Variants in GRIA4 observed in about 807,000 individuals in gnomAD.
The protein encoded by GRIA4 is glutamate ionotropic receptor AMPA type subunit 4.
GRIA4 carries 34 observed loss-of-function variants against 104.0 expected under a neutral mutation model. The ratio of observed to expected loss-of-function variants is 0.33; its 90% CI spans 0.25 to 0.44. The LOEUF (loss-of-function observed/expected upper bound fraction) is 0.44, where lower values mean the gene tolerates loss of function less well. Among genes scored for constraint, GRIA4 ranks in the 20% least tolerant of loss-of-function variants. The pLI is 1.00. For synonymous variants in GRIA4, 386 were observed against 381.9 expected, an observed-to-expected ratio of 1.01 and a Z score of -0.13; for missense variants, 750 against 1,096.5, an observed-to-expected ratio of 0.68 and a Z score of 4.46.
At chr11:105,837,029 C>T (rs1437915627) in intron 4 of GRIA4, among the ~76,000 whole-genome samples, 2 of 152,052 alleles carry the variant, frequency 1.3e-5, no homozygotes, top group African/African-American at 2.4e-5. Flanking sequence ...CCTCAGGAAA[C>T]TTACAATCAT....
intron 3 of GRIA4, among the ~76,000 whole-genome samples, chr11:105,657,273 G>A (rs1044585612): frequency 6.6e-6 from 1 of 151,842 alleles, no homozygotes; most frequent in Admixed American, 6.6e-5. Context: ...TTTCAAAAGT[G>A]TACACTGCTT....
chr11:105,850,923 G>C (rs1357286772), intron 4 of GRIA4, among the ~76,000 whole-genome samples: 1 of 152,264 alleles, frequency 6.6e-6, no homozygotes, highest in East Asian at 1.9e-4. Flanking sequence ...AATTAAGTTT[G>C]CATTGTATTA....
At chr11:105,861,876 A>G (rs1333752966) in intron 4 of GRIA4, 148 bp from the exon 5 acceptor site, 1 of 590,872 alleles carries the variant, frequency 1.7e-6, no homozygotes, top group Non-Finnish European at 3.0e-6. Flanking sequence ...GTAAGAATAA[A>G]TTATTCAGAA....
chr11:105,896,626 T>A (rs1304751024), intron 6 of GRIA4, among the ~76,000 whole-genome samples: 1 of 152,172 alleles, frequency 6.6e-6, no homozygotes, highest in Non-Finnish European at 1.5e-5. Context: ...GTCTTCTGCA[T>A]AGGGCCAGCC....
At chr11:105,646,075 G>T (rs1951518910) in intron 3 of GRIA4, among the ~76,000 whole-genome samples, 1 of 152,178 alleles carries the variant, frequency 6.6e-6, no homozygotes, top group Non-Finnish European at 1.5e-5. Flanking sequence ...TTATGTACAG[G>T]AATTGAGGGA....
chr11:105,731,157 C>T (rs1174130008), intron 3 of GRIA4, among the ~76,000 whole-genome samples: 3 of 152,012 alleles, frequency 2.0e-5, no homozygotes, highest in Admixed American at 6.6e-5. Flanking sequence ...CCAGAATCTA[C>T]AAGGAACTTA....
chr11:105,661,488 T>G (rs964018764), intron 3 of GRIA4, among the ~76,000 whole-genome samples: 2 of 151,588 alleles, frequency 1.3e-5, no homozygotes, highest in Non-Finnish European at 3.0e-5. Context: ...TTGAGATAAG[T>G]AGAAAAATGT....
intron 11 of GRIA4, among the ~76,000 whole-genome samples, chr11:105,923,689 G>A (rs1947629838): frequency 6.6e-6 from 1 of 152,218 alleles, no homozygotes; most frequent in South Asian, 2.1e-4. Flanking sequence ...TGAAAATGGA[G>A]GCTAGTGCCT....
At chr11:105,718,788 A>G (rs888937089) in intron 3 of GRIA4, among the ~76,000 whole-genome samples, 2 of 152,164 alleles carry the variant, frequency 1.3e-5, no homozygotes, top group Admixed American at 6.6e-5. Context: ...TTTCCATTCC[A>G]CTGCTCCCTT....
intron 3 of GRIA4, among the ~76,000 whole-genome samples, chr11:105,650,948 T>C (rs1951669317): frequency 6.6e-6 from 1 of 152,182 alleles, no homozygotes; most frequent in South Asian, 2.1e-4. Flanking sequence ...GACCTCAATA[T>C]GTTAAAGTAG....
chr11:105,838,589 T>C (rs1351082400), intron 4 of GRIA4, among the ~76,000 whole-genome samples: 1 of 152,236 alleles, frequency 6.6e-6, no homozygotes, highest in African/African-American at 2.4e-5. Flanking sequence ...ATTTATTTTT[T>C]AAGCAACAAA....
intron 3 of GRIA4, among the ~76,000 whole-genome samples, chr11:105,633,430 T>A (rs546644172): frequency 1.3e-5 from 2 of 152,358 alleles, no homozygotes; most frequent in East Asian, 3.9e-4. Context: ...ATCCCCTGAA[T>A]ATAGTTCATA....
intron 3 of GRIA4, among the ~76,000 whole-genome samples, chr11:105,667,409 T>G (rs753643810): frequency 6.6e-6 from 1 of 151,992 alleles, no homozygotes; most frequent in African/African-American, 2.4e-5. Flanking sequence ...AAAATGGTTT[T>G]GAAAAATAGC....
chr11:105,684,020 A>T (rs1310772376), intron 3 of GRIA4, among the ~76,000 whole-genome samples: 1 of 151,948 alleles, frequency 6.6e-6, no homozygotes, highest in Admixed American at 6.6e-5. Context: ...GATTACAGGC[A>T]TGCACCACCA....
intron 14 of GRIA4, among the ~76,000 whole-genome samples, chr11:105,962,626 A>C (rs1162610256): frequency 6.6e-6 from 1 of 152,140 alleles, no homozygotes; most frequent in African/African-American, 2.4e-5. Flanking sequence ...TTACTATGAG[A>C]AAAGCTATTT....
At chr11:105,800,075 A>C (rs1285237876) in intron 4 of GRIA4, among the ~76,000 whole-genome samples, 1 of 151,972 alleles carries the variant, frequency 6.6e-6, no homozygotes, top group Non-Finnish European at 1.5e-5. Flanking sequence ...AAACACATAA[A>C]GACAATGAAA....
chr11:105,803,972 G>A (rs1001577624), intron 4 of GRIA4, among the ~76,000 whole-genome samples: 1 of 151,120 alleles, frequency 6.6e-6, no homozygotes, highest in Non-Finnish European at 1.5e-5. Flanking sequence ...AAAAACAAAA[G>A]GTAAATTTGA....
intron 4 of GRIA4, among the ~76,000 whole-genome samples, chr11:105,811,166 C>G (rs1173280005): frequency 6.6e-6 from 1 of 151,982 alleles, no homozygotes; most frequent in Non-Finnish European, 1.5e-5. Context: ...GAGAGAAAGC[C>G]CATGATCAGC....
chr11:105,874,042 A>G (rs981181588), intron 5 of GRIA4, among the ~76,000 whole-genome samples: 3 of 151,950 alleles, frequency 2.0e-5, no homozygotes, highest in African/African-American at 7.2e-5. Context: ...GGGTTTTCAT[A>G]GTTTTAGGTC....
Sources: allele counts gnomAD v4.1 joint callset (sites outside exome capture counted in the v4.1 genomes callset), GRCh38; gene constraint gnomAD v4.1.1; transcripts MANE v1.5; gene names NCBI Gene and HGNC (gene_info 2026-07-23, HGNC 2026-07-21).